Variants in EXT1 observed in about 807,000 individuals in gnomAD.
EXT1 encodes the protein exostosin-1.
In EXT1, 20 loss-of-function variants were observed where a neutral mutation model predicts 82.5. The observed-to-expected ratio is 0.24, with a 90% confidence interval of 0.17 to 0.35. The LOEUF (loss-of-function observed/expected upper bound fraction) is 0.35, where lower values mean the gene tolerates loss of function less well. EXT1 is among the 10% of genes least tolerant of loss of function. EXT1 has a pLI of 1.00. For synonymous variants in EXT1, 348 were observed against 350.8 expected (o/e 0.99, Z 0.09); for missense variants, 757 against 936.5 (o/e 0.81, Z 2.50).
intron 1 of EXT1, among the ~76,000 whole-genome samples, chr8:117,943,765 T>A (rs1020856279): frequency 6.6e-6 from 1 of 152,240 alleles, no homozygotes; most frequent in African/African-American, 2.4e-5. Context: ...GAAATAACCT[T>A]TAGATATTGG....
At chr8:117,877,249 G>A (rs1812987001) in intron 1 of EXT1, among the ~76,000 whole-genome samples, 2 of 152,168 alleles carry the variant, frequency 1.3e-5, no homozygotes, top group Admixed American at 6.5e-5. Flanking sequence ...GAGAGAAGTC[G>A]CTGAATTAAT....
chr8:117,981,051 G>A lies in EXT1; in HGVS notation c.962+129034C>T, dbSNP rs546394352. 7.9e-5 allele frequency among the ~76,000 whole-genome samples: 12 copies of A among 152,256 alleles called. No homozygotes were observed. In the East Asian group the frequency reaches 1.7e-3, roughly 22 times the overall value. On this transcript the variant is annotated intron_variant, in intron 1 of 10. Transcript: ENST00000378204. ...TTGAATTTATTGACTGTGCTTATAA[G>A]CTTCTTGTGTAAAGATGCTTTGCAC...
intron 1 of EXT1, among the ~76,000 whole-genome samples, chr8:117,999,074 T>TA (rs1815606576): frequency 6.6e-6 from 1 of 152,184 alleles, no homozygotes; most frequent in African/African-American, 2.4e-5. Flanking sequence ...CATAGAAAAC[T>TA]AGGAGTGCCA....
At chr8:117,851,154 T>C (rs1378538698) in intron 1 of EXT1, among the ~76,000 whole-genome samples, 5 of 152,028 alleles carry the variant, frequency 3.3e-5, no homozygotes, top group Non-Finnish European at 7.4e-5. Flanking sequence ...CAAACAAATG[T>C]TAACAGCTGG....
chr8:117,900,092 G>A (rs921787530), intron 1 of EXT1, among the ~76,000 whole-genome samples: 2 of 152,184 alleles, frequency 1.3e-5, no homozygotes, highest in African/African-American at 4.8e-5. Flanking sequence ...GAAATCCAAT[G>A]AGAAAACAGT....
intron 1 of EXT1, among the ~76,000 whole-genome samples, chr8:117,917,175 T>A (rs1003036015): frequency 6.6e-6 from 1 of 152,158 alleles, no homozygotes; most frequent in South Asian, 2.1e-4. Flanking sequence ...ACAGACTTTT[T>A]AAAAAACCTT....
intron 1 of EXT1, among the ~76,000 whole-genome samples, chr8:118,028,568 A>G (rs918116390): frequency 2.6e-5 from 4 of 151,964 alleles, no homozygotes; most frequent in Non-Finnish European, 4.4e-5. Flanking sequence ...TGACTAACAT[A>G]TATATTATAT....
intron 1 of EXT1, among the ~76,000 whole-genome samples, chr8:117,884,114 T>C (rs916452182): frequency 2.6e-5 from 4 of 152,094 alleles, no homozygotes; most frequent in Admixed American, 2.0e-4. Flanking sequence ...AAAATGGCCA[T>C]ACACTTGAAA....
At chr8:118,018,267 A>G (rs371893598) in intron 1 of EXT1, among the ~76,000 whole-genome samples, 14 of 152,306 alleles carry the variant, frequency 9.2e-5, no homozygotes, top group African/African-American at 3.4e-4. Context: ...GCCTAAGCCA[A>G]TATGAATGGT....
intron 1 of EXT1, among the ~76,000 whole-genome samples, chr8:118,087,891 T>C (rs1817451972): frequency 6.6e-6 from 1 of 150,802 alleles, no homozygotes; most frequent in African/African-American, 2.4e-5. Context: ...GGGGATTGTG[T>C]TATACAAAAC....
intron 1 of EXT1, among the ~76,000 whole-genome samples, chr8:118,023,705 G>A (rs568249495): frequency 6.6e-6 from 1 of 152,284 alleles, no homozygotes; most frequent in Admixed American, 6.5e-5. Context: ...TAACACTAAA[G>A]AGGTAGATGA....
At chr8:117,887,720 A>G (rs1387358153) in intron 1 of EXT1, among the ~76,000 whole-genome samples, 1 of 152,124 alleles carries the variant, frequency 6.6e-6, no homozygotes, top group East Asian at 1.9e-4. Context: ...TTTTTGATCA[A>G]ATATCCATAA....
chr8:118,016,301 G>A (rs17453791), intron 1 of EXT1, among the ~76,000 whole-genome samples: 1 of 152,216 alleles, frequency 6.6e-6, no homozygotes, highest in African/African-American at 2.4e-5. Flanking sequence ...GGAGAGGCAT[G>A]AGAATCTCTT....
chr8:118,092,343 A>T (rs1194376954), intron 1 of EXT1, among the ~76,000 whole-genome samples: 2 of 152,234 alleles, frequency 1.3e-5, no homozygotes, highest in Non-Finnish European at 2.9e-5. Flanking sequence ...CAAAAAGTTA[A>T]TCAAATATGA....
chr8:117,909,040 G>A (rs991879287), intron 1 of EXT1, among the ~76,000 whole-genome samples: 40 of 152,034 alleles, frequency 2.6e-4, no homozygotes, highest in Non-Finnish European at 5.0e-4. Context: ...GCTGAGGCAG[G>A]AGAATTGCTT....
chr8:117,927,749 G>A (rs552927040), intron 1 of EXT1, among the ~76,000 whole-genome samples: 61 of 152,284 alleles, frequency 4.0e-4, no homozygotes, highest in Admixed American at 3.4e-3. Flanking sequence ...TGACCCATAC[G>A]GTGACACTAG....
At chr8:118,062,371 C>T (rs1356220450) in intron 1 of EXT1, among the ~76,000 whole-genome samples, 3 of 152,188 alleles carry the variant, frequency 2.0e-5, no homozygotes, top group African/African-American at 7.2e-5. Flanking sequence ...CAGACACAGA[C>T]TTCCCAATGC....
At chr8:117,906,445 AAC>A (rs1269476412) in intron 1 of EXT1, among the ~76,000 whole-genome samples, 1 of 152,208 alleles carries the variant, frequency 6.6e-6, no homozygotes, top group Non-Finnish European at 1.5e-5. Flanking sequence ...GAATTCTTCT[AAC>A]ACAGCAGTCC....
intron 1 of EXT1, among the ~76,000 whole-genome samples, chr8:118,008,283 G>A (rs1044102483): frequency 3.3e-5 from 5 of 151,744 alleles, no homozygotes; most frequent in Non-Finnish European, 7.4e-5. Context: ...ATTTGAGACA[G>A]AGTTTTGCTC....
Sources: allele counts gnomAD v4.1 joint callset (sites outside exome capture counted in the v4.1 genomes callset), GRCh38; gene constraint gnomAD v4.1.1; transcripts MANE v1.5; gene names NCBI Gene and HGNC (gene_info 2026-07-23, HGNC 2026-07-21).